CADM2: variants seen among roughly 807,000 people sequenced by gnomAD.
CADM2 encodes cell adhesion molecule 2.
In CADM2, 12 loss-of-function variants were observed where a neutral mutation model predicts 49.8. The observed-to-expected ratio is 0.24, with a 90% CI of 0.15 to 0.39. CADM2 has a LOEUF of 0.39. CADM2 is among the 10% of genes least tolerant of loss of function. The pLI is 1.00. For missense variants in CADM2, 378 were observed against 492.3 expected, an observed-to-expected ratio of 0.77 and a Z score of 2.20; for synonymous variants, 214 against 175.4, an observed-to-expected ratio of 1.22 and a Z score of -1.74.
intron 1 of CADM2, among the ~76,000 whole-genome samples, chr3:85,144,836 A>C (rs967392640): frequency 6.6e-6 from 1 of 152,196 alleles, no homozygotes; most frequent in African/African-American, 2.4e-5. Flanking sequence ...AAGATAGATA[A>C]ATATAATCAC....
intron 3 of CADM2, among the ~76,000 whole-genome samples, chr3:85,859,710 T>A (rs1042205394): frequency 6.6e-6 from 1 of 152,202 alleles, no homozygotes; most frequent in Non-Finnish European, 1.5e-5. Context: ...TTCCTAACTT[T>A]CCTTGCTAGG....
chr3:85,598,923 A>G (rs959697931), intron 1 of CADM2, among the ~76,000 whole-genome samples: 1 of 151,852 alleles, frequency 6.6e-6, no homozygotes, highest in Admixed American at 6.6e-5. Flanking sequence ...AAAAGGCATT[A>G]TCAATATATA....
chr3:85,924,616 T>A (rs968106719), intron 6 of CADM2, among the ~76,000 whole-genome samples: 1 of 151,448 alleles, frequency 6.6e-6, no homozygotes, highest in African/African-American at 2.4e-5. Flanking sequence ...AATAAATAAA[T>A]AAATAAATAA....
At chr3:85,201,840 T>G in intron 1 of CADM2, among the ~76,000 whole-genome samples, 1 of 152,042 alleles carries the variant, frequency 6.6e-6, no homozygotes, top group East Asian at 1.9e-4. Context: ...TCCAGCACTT[T>G]GGGAGGCCGA....
intron 1 of CADM2, among the ~76,000 whole-genome samples, chr3:85,661,755 G>C (rs537702105): frequency 6.6e-6 from 1 of 152,080 alleles, no homozygotes; most frequent in Admixed American, 6.6e-5. Context: ...ATCTCAGGCA[G>C]CTTTACAAAA....
chr3:85,958,330 C>T (rs1009131095), intron 7 of CADM2, among the ~76,000 whole-genome samples: 8 of 151,938 alleles, frequency 5.3e-5, no homozygotes, highest in African/African-American at 1.7e-4. Context: ...GAAATAGGAA[C>T]GCTTTTATAC....
chr3:85,348,480 A>C (rs1175598739), intron 1 of CADM2, among the ~76,000 whole-genome samples: 2 of 152,204 alleles, frequency 1.3e-5, no homozygotes, highest in Admixed American at 1.3e-4. Flanking sequence ...ATCACAAGAA[A>C]ATTTATGTAA....
At chr3:85,910,456 T>C (rs1182877799) in intron 5 of CADM2, among the ~76,000 whole-genome samples, 1 of 152,124 alleles carries the variant, frequency 6.6e-6, no homozygotes, top group Non-Finnish European at 1.5e-5. Flanking sequence ...TCTGAATTAT[T>C]GTGACATATT....
intron 1 of CADM2, among the ~76,000 whole-genome samples, chr3:85,431,863 A>G (rs1241349761): frequency 2.7e-5 from 3 of 110,412 alleles, no homozygotes; most frequent in African/African-American, 9.6e-5. Context: ...TTAATTGCAT[A>G]TATATATATG....
chr3:86,004,552 T>C (rs1730556995), intron 8 of CADM2, among the ~76,000 whole-genome samples: 1 of 152,192 alleles, frequency 6.6e-6, no homozygotes, highest in Non-Finnish European at 1.5e-5. Context: ...TTACGCCTCA[T>C]CAAGAATTAA....
chr3:85,511,675 AT>A (rs1428571769), intron 1 of CADM2, among the ~76,000 whole-genome samples: 2 of 152,062 alleles, frequency 1.3e-5, no homozygotes, highest in African/African-American at 2.4e-5. Flanking sequence ...TTGACTATGC[AT>A]TTTTGGAAAC....
intron 1 of CADM2, among the ~76,000 whole-genome samples, chr3:85,323,916 T>C (rs921370794): frequency 3.3e-5 from 5 of 152,184 alleles, no homozygotes; most frequent in Admixed American, 2.0e-4. Flanking sequence ...AGGAGGATAA[T>C]GGTAGTTGAG....
chr3:85,784,294 A>C (rs2070836117), intron 2 of CADM2, among the ~76,000 whole-genome samples: 1 of 152,210 alleles, frequency 6.6e-6, no homozygotes, highest in Non-Finnish European at 1.5e-5. Flanking sequence ...CACTGGAAGA[A>C]AATATGGATC....
chr3:85,163,442 C>T (rs536793836), intron 1 of CADM2, among the ~76,000 whole-genome samples: 1 of 152,180 alleles, frequency 6.6e-6, no homozygotes, highest in South Asian at 2.1e-4. Flanking sequence ...TAGTATATCT[C>T]AGCCATAATA....
At chr3:85,373,894 C>T (rs781722347) in intron 1 of CADM2, among the ~76,000 whole-genome samples, 2 of 152,138 alleles carry the variant, frequency 1.3e-5, no homozygotes, top group Non-Finnish European at 2.9e-5. Flanking sequence ...TGGGCCTGGG[C>T]CATGAAACCC....
chr3:85,582,011 C>T (rs2062814439), intron 1 of CADM2, among the ~76,000 whole-genome samples: 3 of 152,088 alleles, frequency 2.0e-5, no homozygotes, highest in African/African-American at 4.8e-5. Flanking sequence ...ACTGCAACCT[C>T]CACCTCCTGA....
At chr3:85,621,968 T>G (rs1432437065) in intron 1 of CADM2, among the ~76,000 whole-genome samples, 2 of 152,206 alleles carry the variant, frequency 1.3e-5, no homozygotes, top group African/African-American at 2.4e-5. Context: ...AAGGGTTAGT[T>G]CAGTTTTACA....
chr3:85,657,404 A>T (rs9840636), intron 1 of CADM2, among the ~76,000 whole-genome samples: 1 of 151,932 alleles, frequency 6.6e-6, no homozygotes, highest in African/African-American at 2.4e-5. Flanking sequence ...AGTAAATGTT[A>T]GTTCTCATAA....
chr3:85,507,048 C>A (rs554587515), intron 1 of CADM2, among the ~76,000 whole-genome samples: 1 of 151,878 alleles, frequency 6.6e-6, no homozygotes. Flanking sequence ...TGAAGGTAAC[C>A]AGGAGAATGT....
Sources: allele counts gnomAD v4.1 joint callset (sites outside exome capture counted in the v4.1 genomes callset), GRCh38; gene constraint gnomAD v4.1.1; transcripts MANE v1.5; gene names NCBI Gene and HGNC (gene_info 2026-07-23, HGNC 2026-07-21).